Variants in TENM2 observed in about 807,000 individuals in gnomAD.
The protein encoded by TENM2 is teneurin transmembrane protein 2, also known as teneurin-2.
A neutral mutation model predicts 245.2 loss-of-function variants in TENM2; 52 were observed. That is an observed-to-expected ratio of 0.21 (90% confidence interval 0.17 to 0.27). TENM2 has a LOEUF of 0.27. Ranked by LOEUF, TENM2 falls within the 10% of genes least tolerant of loss-of-function variation. The pLI is 1.00. For synonymous variants in TENM2, 1,363 were observed against 1,438.9 expected (o/e 0.95, Z 1.19); for missense variants, 3,046 against 3,666.8 (o/e 0.83, Z 4.37).
chr5:168,162,698 G>C, exon 13 of TENM2: 2 of 1,614,022 alleles, frequency 1.2e-6, no homozygotes, highest in Non-Finnish European at 1.7e-6. Flanking sequence ...GGCTGGAGAG[G>C]GCCCGGATGC....
intron 2 of TENM2, among the ~76,000 whole-genome samples, chr5:167,595,951 T>G (rs1364839834): frequency 6.6e-6 from 1 of 152,204 alleles, no homozygotes; most frequent in Admixed American, 6.5e-5. Flanking sequence ...CTGTTTGGTT[T>G]AAATGTAATT....
chr5:167,587,704 G>A (rs929980403), intron 2 of TENM2, among the ~76,000 whole-genome samples: 2 of 152,152 alleles, frequency 1.3e-5, no homozygotes, highest in Non-Finnish European at 2.9e-5. Context: ...TTATGTATCC[G>A]TGGTTTTATT....
chr5:167,663,173 A>AGAGAGC (rs1755340325), intron 2 of TENM2, among the ~76,000 whole-genome samples: 1 of 151,270 alleles, frequency 6.6e-6, no homozygotes, highest in Non-Finnish European at 1.5e-5. Flanking sequence ...AGAGAGAGAG[A>AGAGAGC]GAGAGAGAGA....
chr5:167,307,823 CATACA>C (rs1222241418), intron 1 of TENM2: 18 of 152,322 alleles, frequency 1.2e-4, no homozygotes, highest in African/African-American at 4.3e-4. Context: ...CTCCAGTATC[CATACA>C]ATGTTAACAC....
In TENM2 at chr5:168,219,096, A is replaced by C; in HGVS notation, c.5108+97A>C. The C allele has an allele frequency of 8.8e-6, 11 of 1,252,036 alleles. No homozygotes were observed. In the South Asian group the frequency reaches 1.6e-4, roughly 18 times the overall value. 77.6% of individuals were successfully genotyped at this position (1,252,036 alleles called of 1,614,324 possible). Reference sequence around the variant, plus strand: ...GTGTAGCTTTTTAAATTGCTTTGTCACGTTGTCTTTCTAACTTTAATGATG... The same window carrying C: ...GTGTAGCTTTTTAAATTGCTTTGTCCCGTTGTCTTTCTAACTTTAATGATG... On this transcript the variant is annotated intron_variant, in intron 23 of 28. Transcript: ENST00000518659.
At chr5:167,521,888 CTCTA>C (rs1406751976) in intron 2 of TENM2, among the ~76,000 whole-genome samples, 2 of 152,102 alleles carry the variant, frequency 1.3e-5, no homozygotes, top group African/African-American at 2.4e-5. Context: ...AAGATTCTCT[CTCTA>C]TCTTTCTCTT....
At chr5:166,990,172 C>T in the TENM2 span, among the ~76,000 whole-genome samples, 2 of 152,094 alleles carry the variant, frequency 1.3e-5, no homozygotes. Flanking sequence ...GGTTTAGACT[C>T]TCTGGTTCAA....
intron 2 of TENM2, among the ~76,000 whole-genome samples, chr5:167,451,797 T>C (rs764436139): frequency 3.3e-5 from 5 of 152,044 alleles, no homozygotes; most frequent in Non-Finnish European, 7.4e-5. Context: ...TACAGGTGCC[T>C]GCCACCACGC....
At chr5:167,414,573 G>C (rs1434052702) in intron 2 of TENM2, among the ~76,000 whole-genome samples, 1 of 152,046 alleles carries the variant, frequency 6.6e-6, no homozygotes, top group Non-Finnish European at 1.5e-5. Context: ...TGGTTCGCTA[G>C]AGAGAGAGCA....
intron 2 of TENM2, among the ~76,000 whole-genome samples, chr5:167,387,966 G>A (rs370838460): frequency 8.7e-4 from 133 of 152,060 alleles, no homozygotes; most frequent in South Asian, 3.5e-3. Context: ...CAGGGATGTC[G>A]GACTCTAGTT....
At chr5:167,087,807 T>TA in the TENM2 span, among the ~76,000 whole-genome samples, 3 of 151,486 alleles carry the variant, frequency 2.0e-5, no homozygotes, top group African/African-American at 7.3e-5. Context: ...TTTTTTTTTT[T>TA]AAAACAGAGT....
At chr5:167,098,000 TATTTTTTCCTCCC>T in the TENM2 span, among the ~76,000 whole-genome samples, 10 of 152,328 alleles carry the variant, frequency 6.6e-5, no homozygotes, top group South Asian at 1.4e-3. Context: ...AATGATATAC[TATTTTTTCCTCCC>T]ATTTTTTCCT....
the TENM2 span, among the ~76,000 whole-genome samples, chr5:167,232,520 C>T: frequency 1.3e-4 from 20 of 151,910 alleles, no homozygotes; most frequent in Admixed American, 2.0e-4. Flanking sequence ...TTACAGGCCC[C>T]TGCCACTGCT....
chr5:167,321,043 G>T lies in TENM2; in HGVS notation c.226+35980G>T, dbSNP rs142982000. Among the ~76,000 whole-genome samples the T allele has an allele frequency of 1.2e-3, 186 of 152,152 alleles. 1 individual carries two copies. The highest frequency in any genetic ancestry group is 0.012 in the Admixed American group (185 of 15,274). ...TTAGGATAAAAAGCCACTACTCTGT[G>T]CATTTAGAGCCCCTGAAATAAATTC... On this transcript the variant is annotated intron_variant, in intron 1 of 28. Transcript: ENST00000518659.
chr5:167,533,608 C>G (rs1344329095), intron 2 of TENM2, among the ~76,000 whole-genome samples: 1 of 152,072 alleles, frequency 6.6e-6, no homozygotes, highest in Non-Finnish European at 1.5e-5. Context: ...AGGCATGCAT[C>G]ACCACGCTTG....
At chr5:168,017,177 T>A (rs1484266391) in intron 5 of TENM2, among the ~76,000 whole-genome samples, 4 of 152,168 alleles carry the variant, frequency 2.6e-5, no homozygotes, top group African/African-American at 9.7e-5. Context: ...AATTGATGAT[T>A]GATGTTAGAA....
intron 2 of TENM2, among the ~76,000 whole-genome samples, chr5:167,732,701 C>T (rs1490046663): frequency 6.6e-6 from 1 of 152,102 alleles, no homozygotes; most frequent in Non-Finnish European, 1.5e-5. Flanking sequence ...GATTTTCTGA[C>T]AGAGATAGAT....
intron 5 of TENM2, among the ~76,000 whole-genome samples, chr5:168,030,581 C>T (rs1284131872): frequency 6.6e-6 from 1 of 152,088 alleles, no homozygotes; most frequent in East Asian, 1.9e-4. Context: ...GGAACTACAG[C>T]CCGAAACCAT....
intron 4 of TENM2, among the ~76,000 whole-genome samples, chr5:167,960,144 G>A (rs577865586): frequency 3.9e-5 from 6 of 152,202 alleles, no homozygotes; most frequent in Admixed American, 1.3e-4. Context: ...ATGCTGGTAG[G>A]TGTCTCCCAG....
Sources: allele counts gnomAD v4.1 joint callset (sites outside exome capture counted in the v4.1 genomes callset), GRCh38; gene constraint gnomAD v4.1.1; transcripts MANE v1.5; gene names NCBI Gene and HGNC (gene_info 2026-07-23, HGNC 2026-07-21).